Variants in PDGFD observed in about 807,000 individuals in gnomAD.
PDGFD encodes platelet-derived growth factor D.
In PDGFD, 30 loss-of-function variants were observed where a neutral mutation model predicts 44.7. The observed-to-expected ratio is 0.67, with a 90% CI of 0.50 to 0.91. The LOEUF is 0.91. PDGFD is among the 40% of genes least tolerant of loss of function. PDGFD has a pLI of 0.00. For synonymous variants in PDGFD, 173 were observed against 168.4 expected, an observed-to-expected ratio of 1.03 and a Z score of -0.21; for missense variants, 445 against 457.8, an observed-to-expected ratio of 0.97 and a Z score of 0.25.
intron 1 of PDGFD, among the ~76,000 whole-genome samples, chr11:104,034,905 C>G (rs1256067782): frequency 6.6e-6 from 1 of 152,116 alleles, no homozygotes; most frequent in Non-Finnish European, 1.5e-5. Context: ...GCCTCCCAAA[C>G]TGCTGGGATT....
chr11:104,123,687 C>T (rs1167953349), intron 1 of PDGFD, among the ~76,000 whole-genome samples: 2 of 152,022 alleles, frequency 1.3e-5, no homozygotes, highest in African/African-American at 4.8e-5. Context: ...GTTAGCAAGG[C>T]TTACAATTTT....
At chr11:104,124,748 G>T (rs372600066) in intron 1 of PDGFD, among the ~76,000 whole-genome samples, 116 of 152,008 alleles carry the variant, frequency 7.6e-4, no homozygotes, top group African/African-American at 2.8e-3. Context: ...AAAAATGAGG[G>T]TTTCCTTCTC....
chr11:104,047,664 T>C (rs1403975070), intron 1 of PDGFD, among the ~76,000 whole-genome samples: 1 of 147,290 alleles, frequency 6.8e-6, no homozygotes. Context: ...TTTTAAATTC[T>C]TTCTACTTTT....
chr11:104,042,765 C>G (rs1199284277), intron 1 of PDGFD, among the ~76,000 whole-genome samples: 1 of 152,150 alleles, frequency 6.6e-6, no homozygotes, highest in African/African-American at 2.4e-5. Flanking sequence ...CTACTTAAAT[C>G]CATTAAATTC....
intron 1 of PDGFD, among the ~76,000 whole-genome samples, chr11:104,101,790 G>T (rs1861386083): frequency 6.6e-6 from 1 of 151,916 alleles, no homozygotes; most frequent in Non-Finnish European, 1.5e-5. Flanking sequence ...ACAACTATCT[G>T]ATCTTTGACA....
intron 6 of PDGFD, among the ~76,000 whole-genome samples, chr11:103,921,194 G>A (rs987993582): frequency 6.6e-6 from 1 of 152,100 alleles, no homozygotes; most frequent in East Asian, 1.9e-4. Context: ...AAGGACAAGA[G>A]GCAGAGAGAC....
intron 1 of PDGFD, among the ~76,000 whole-genome samples, chr11:104,080,282 TTATAA>T (rs1443726379): frequency 6.6e-6 from 1 of 152,228 alleles, no homozygotes; most frequent in Non-Finnish European, 1.5e-5. Flanking sequence ...GAATAATATG[TTATAA>T]TATATGTGAT....
intron 3 of PDGFD, among the ~76,000 whole-genome samples, chr11:103,979,932 C>G (rs941115885): frequency 6.6e-6 from 1 of 152,130 alleles, no homozygotes; most frequent in Non-Finnish European, 1.5e-5. Context: ...AAATTAGGCA[C>G]TGGCCCGCAA....
intron 1 of PDGFD, among the ~76,000 whole-genome samples, chr11:104,128,717 A>G (rs1861874572): frequency 6.6e-6 from 1 of 152,168 alleles, no homozygotes; most frequent in Admixed American, 6.5e-5. Context: ...ATAAGTGTCA[A>G]CTTATTGACC....
In PDGFD at chr11:104,033,179, G is replaced by A. The variant is rs190471352; in HGVS notation, c.125-32924C>T. ...CTGAGTTGGGACAATTATACATATG[G>A]TATTTGAATCACAAATCATGCTGGG... On this transcript the variant is annotated intron_variant, in intron 1 of 6. Coordinates refer to ENST00000393158, the MANE Select transcript of PDGFD (RefSeq NM_025208.5). 2.6e-5 allele frequency among the ~76,000 whole-genome samples: 4 copies of A among 151,866 alleles called. No homozygotes were observed. The East Asian group carries it at 5.8e-4, about 22-fold the overall frequency.
intron 1 of PDGFD, among the ~76,000 whole-genome samples, chr11:104,042,650 C>T (rs191308105): frequency 2.9e-4 from 44 of 152,284 alleles, no homozygotes; most frequent in African/African-American, 1.1e-3. Context: ...ATGCTTCACG[C>T]AGGGGTATTT....
At chr11:104,096,493 C>G (rs905864517) in intron 1 of PDGFD, among the ~76,000 whole-genome samples, 1 of 152,106 alleles carries the variant, frequency 6.6e-6, no homozygotes, top group African/African-American at 2.4e-5. Flanking sequence ...TTAGTAATCC[C>G]CAAATTCCCT....
chr11:103,943,941 T>C (rs1858632234), intron 4 of PDGFD, among the ~76,000 whole-genome samples: 1 of 152,092 alleles, frequency 6.6e-6, no homozygotes, highest in Non-Finnish European at 1.5e-5. Flanking sequence ...GATAGAAATA[T>C]ATAAAATTAA....
chr11:103,954,001 C>A (rs1048802941), intron 3 of PDGFD, among the ~76,000 whole-genome samples: 1 of 151,626 alleles, frequency 6.6e-6, no homozygotes, highest in Non-Finnish European at 1.5e-5. Context: ...AACAATTTAC[C>A]CACTGAATTG....
chr11:103,993,666 C>A (rs1442919461), intron 3 of PDGFD, among the ~76,000 whole-genome samples: 7 of 152,072 alleles, frequency 4.6e-5, no homozygotes, highest in Non-Finnish European at 8.8e-5. Flanking sequence ...GTGGTCAAAC[C>A]ATATGTGATC....
At chr11:104,004,288 C>A (rs908839151) in intron 1 of PDGFD, among the ~76,000 whole-genome samples, 5 of 152,158 alleles carry the variant, frequency 3.3e-5, no homozygotes, top group African/African-American at 1.2e-4. Context: ...GATTCATCAA[C>A]ATCAAATTGA....
intron 3 of PDGFD, among the ~76,000 whole-genome samples, 174 bp downstream of exon 3, chr11:103,995,891 T>G (rs1565305872): frequency 6.6e-6 from 1 of 152,166 alleles, no homozygotes; most frequent in African/African-American, 2.4e-5. Context: ...AGATCCAAAA[T>G]GGTATTTCTT....
intron 1 of PDGFD, among the ~76,000 whole-genome samples, chr11:104,041,088 A>G (rs1860343107): frequency 6.6e-6 from 1 of 152,112 alleles, no homozygotes; most frequent in South Asian, 2.1e-4. Flanking sequence ...AACTACCAAA[A>G]TTATGCCAGT....
chr11:103,909,097 A>G lies in PDGFD; in HGVS notation c.*597T>C, dbSNP rs1857987060. ...CATAGGTAAGTATGCAGTGCTTCTC[A>G]TGGAAAAAATGCTTAGGTATTGGCC... On this transcript the variant is annotated 3_prime_UTR_variant, in exon 7 of 7. Transcript: ENST00000393158. The G allele has an allele frequency of 6.6e-6, 1 of 152,350 alleles. No homozygotes were observed. Among genetic ancestry groups the G allele is most frequent in the African/African-American group, 2.4e-5 (1 of 41,460 alleles). 9.4% of individuals were successfully genotyped at this position (152,350 alleles called of 1,614,324 possible).
Sources: gnomAD v4.1 joint callset for allele counts (sites outside exome capture counted in the v4.1 genomes callset) on GRCh38, gnomAD v4.1.1 for gene constraint, MANE v1.5 for transcripts, NCBI Gene and HGNC (gene_info 2026-07-23, HGNC 2026-07-21) for gene names.